The following COL17A1 variants were observed in gnomAD, a reference collection of about 807,000 sequenced individuals.
COL17A1 encodes the protein collagen type XVII alpha 1 chain.
In COL17A1, 181 loss-of-function variants were observed where a neutral mutation model predicts 218.4. The ratio of observed to expected loss-of-function variants is 0.83; its 90% CI spans 0.73 to 0.94. The LOEUF is 0.94. Among genes scored for constraint, COL17A1 ranks in the 40% least tolerant of loss-of-function variants. The probability of loss-of-function intolerance (pLI) is 0.00; values close to 1 mark genes in which losing one functional copy is unlikely to be tolerated. For missense variants in COL17A1, 1,924 were observed against 1,945.9 expected (o/e 0.99, Z 0.21); for synonymous variants, 721 against 731.0 (o/e 0.99, Z 0.22).
chr10:104,078,575 T>A lies in COL17A1; in HGVS notation c.64A>T (p.Thr22Ser), dbSNP rs201183562. 8.7e-6 allele frequency: 14 copies of A among 1,614,144 alleles called. No homozygotes were observed. Among genetic ancestry groups the A allele is most frequent in the Non-Finnish European group, 1.2e-5 (14 of 1,179,998 alleles). The part of the protein sequence containing the change: ...TEVTERIVTE[T>S]VTTRLTSLPP... ...AAGGATGTAAGTCTTGTGGTTACTG[T>A]TTCAGTGACAACTAGAAAAAGACAA... Residue 22 changes from threonine (T) to serine (S), a missense_variant, in exon 3 of 56, where the codon ACA becomes TCA. Physicochemically the swap from Thr to Ser is moderately conservative, Grantham distance 58. Transcript: ENST00000648076.
In COL17A1 at chr10:104,034,728, G is replaced by C. The variant is rs1564670155; in HGVS notation, c.3659C>G (p.Pro1220Arg). The change falls in exon 51 of 56, where the codon CCT (proline) becomes CGT (arginine). Residue 1220 changes from proline to arginine, a missense_variant. Transcript: ENST00000648076. ...LSFIPGPPGP[P>R]GPPGPRGPPG... ...GGGCCCTCGAGGCCCTGGGGGACCA[G>C]GAGGTCCTGGAGGGCCTGGGATGAA... 3 of 1,612,378 alleles carry C rather than the reference G, an allele frequency of 1.9e-6. No homozygotes were observed. The highest frequency in any genetic ancestry group is 2.5e-6 in the Non-Finnish European group (3 of 1,179,544).
chr10:104,034,882 C>T, intron 50 of COL17A1, 115 bp from the exon 51 acceptor site: 1 of 1,326,056 alleles, frequency 7.5e-7, no homozygotes, highest in Non-Finnish European at 1.0e-6. Context: ...GAGGCTGGGC[C>T]TCCCGGGTGA....
chr10:104,068,173 T>G (rs2086642631), intron 9 of COL17A1, among the ~76,000 whole-genome samples: 1 of 152,208 alleles, frequency 6.6e-6, no homozygotes, highest in Admixed American at 6.5e-5. Flanking sequence ...TCCCAGATTT[T>G]AAAATATGAA....
Position 104,032,194 on chromosome 10 carries a change from A to G in COL17A1, c.*41T>C, listed in dbSNP as rs375121106. On this transcript the variant is annotated 3_prime_UTR_variant, in exon 56 of 56. Transcript: ENST00000648076. Reference sequence around the variant, plus strand: ...GACCTTGGACCTAAGTGCCACATGCATTATGAGACCTGGTCCAGGAGCTGT... The same window carrying G: ...GACCTTGGACCTAAGTGCCACATGCGTTATGAGACCTGGTCCAGGAGCTGT... 4 of 1,567,884 alleles carry G rather than the reference A, an allele frequency of 2.6e-6. No individual in the cohort carries two copies. The African/African-American group carries it at 5.4e-5, about 21-fold the overall frequency.
Position 104,037,131 on chromosome 10 carries a change from T to G in COL17A1, c.3209-18A>C. 4 of 1,594,828 alleles carry G rather than the reference T, an allele frequency of 2.5e-6. No homozygotes were observed. Among genetic ancestry groups the G allele is most frequent in the Non-Finnish European group, 3.4e-6 (4 of 1,170,396 alleles). ...CCCCGAAGCTGTCGGGAAGAAAACC[T>G]CAGGTTACCTGCTTAGCAGGTACTG... On this transcript the variant is annotated intron_variant, in intron 46 of 55. Transcript: ENST00000648076.
intron 12 of COL17A1, 30 bp from the exon 13 acceptor site, chr10:104,061,503 G>C: frequency 6.2e-7 from 1 of 1,606,812 alleles, no homozygotes; most frequent in Non-Finnish European, 8.5e-7. Flanking sequence ...GTCAGCATGG[G>C]AGGGTGGTTC....
In COL17A1 at chr10:104,039,477, G is replaced by A. The variant is rs2134581649; in HGVS notation, c.2864C>T (p.Pro955Leu). The A allele has an allele frequency of 6.2e-7, 1 of 1,614,142 alleles. No homozygotes were observed. The highest frequency in any genetic ancestry group is 2.2e-5 in the East Asian group (1 of 44,874). Residue 955 changes from proline to leucine, a missense_variant, in exon 43 of 56, where the codon CCA becomes CTA. Physicochemically the swap from Pro to Leu is moderately conservative, Grantham distance 98. Coordinates refer to ENST00000648076, the MANE Select transcript of COL17A1 (RefSeq NM_000494.4). ...ACCTTTGGGTCCCTGGGGGCCAGGTGGGCCTGGTGGTCCCTGAAGGTTGAG... is the reference window on the plus strand; with the variant it reads ...ACCTTTGGGTCCCTGGGGGCCAGGTAGGCCTGGTGGTCCCTGAAGGTTGAG... ...FGLNLQGPPG[P>L]PGPQGPKGDK...
At chr10:104,081,659 G>A (rs978962201) in intron 1 of COL17A1, among the ~76,000 whole-genome samples, 5 of 152,008 alleles carry the variant, frequency 3.3e-5, no homozygotes, top group Non-Finnish European at 7.4e-5. Flanking sequence ...TTATTTTTTG[G>A]TTGTAGTTGG....
At chr10:104,059,554 T>G in intron 15 of COL17A1, 84 bp downstream of exon 15, 1 of 1,301,264 alleles carries the variant, frequency 7.7e-7, no homozygotes, top group Non-Finnish European at 1.1e-6. Context: ...GGACCACACT[T>G]TGAGTAGCAA....
chr10:104,060,344 A>C (rs2086571779), intron 13 of COL17A1, 64 bp from the exon 14 acceptor site: 7 of 1,600,880 alleles, frequency 4.4e-6, no homozygotes, highest in Non-Finnish European at 6.0e-6. Context: ...AGGGGAGAAA[A>C]GACAAGAAGA....
At chr10:104,068,861 G>A (rs2134642727) in intron 9 of COL17A1, among the ~76,000 whole-genome samples, 1 of 152,294 alleles carries the variant, frequency 6.6e-6, no homozygotes, top group East Asian at 1.9e-4. Context: ...CTAAAAAGGA[G>A]GAGGAAGAGC....
chr10:104,040,123 T>A, intron 40 of COL17A1, 124 bp from the exon 41 acceptor site: 2 of 1,193,224 alleles, frequency 1.7e-6, no homozygotes, highest in African/African-American at 1.5e-5. Flanking sequence ...GGGTTCCTTG[T>A]GCCTCTCCTC....
At position 104,057,008 on chromosome 10, in the gene COL17A1, G is replaced by A; in HGVS notation, c.1432C>T (p.Leu478Phe). ...LLGLLLTWLL[L>F]LGLLFGLIAL... Reference sequence around the variant, plus strand: ...ATGAGGCCGAAGAGCAGCCCCAGGAGTAGCAGCCAGGTGAGCAGCAGGCCC... The same window carrying A: ...ATGAGGCCGAAGAGCAGCCCCAGGAATAGCAGCCAGGTGAGCAGCAGGCCC... The change falls in exon 17 of 56, where the codon CTC becomes TTC. Residue 478 changes from leucine (L) to phenylalanine (F), a missense_variant. By Grantham distance (22) the Leu-to-Phe change is conservative. Transcript: ENST00000648076. 1 of 1,590,004 alleles carries A rather than the reference G, an allele frequency of 6.3e-7. No homozygotes were observed. The highest frequency in any genetic ancestry group is 1.1e-5 in the South Asian group (1 of 89,140).
At chr10:104,042,378 G>A (rs774378565) in intron 36 of COL17A1, 42 bp downstream of exon 36, 6 of 1,610,514 alleles carry the variant, frequency 3.7e-6, no homozygotes, top group East Asian at 4.5e-5. Context: ...AAGTCCTCCC[G>A]ACTGGGCCCA....
At chr10:104,057,228 C>G (rs2086539045) in intron 16 of COL17A1, 56 bp from the exon 17 acceptor site, 4 of 1,613,192 alleles carry the variant, frequency 2.5e-6, no homozygotes, top group Non-Finnish European at 3.4e-6. Flanking sequence ...CCTTTTCCCT[C>G]CAGATTCTCT....
At chr10:104,039,330 C>T (rs917314036) in intron 43 of COL17A1, 115 bp downstream of exon 43, 9 of 1,253,136 alleles carry the variant, frequency 7.2e-6, no homozygotes, top group Middle Eastern at 5.2e-4. Context: ...CCAGCCTCTT[C>T]TCTCTCCCAA....
chr10:104,046,623 G>A, intron 32 of COL17A1, 124 bp downstream of exon 32: 1 of 890,844 alleles, frequency 1.1e-6, no homozygotes, highest in Admixed American at 1.8e-5. Flanking sequence ...ATAGTGAAAG[G>A]GAGTGTGTGC....
chr10:104,043,643 C>G, intron 34 of COL17A1, 62 bp from the exon 35 acceptor site: 1 of 1,587,984 alleles, frequency 6.3e-7, no homozygotes, highest in Non-Finnish European at 8.6e-7. Flanking sequence ...GCGCTGGGAC[C>G]CAAGCCAGGT....
intron 1 of COL17A1, among the ~76,000 whole-genome samples, chr10:104,082,492 G>A (rs2086773834): frequency 1.3e-5 from 2 of 152,174 alleles, no homozygotes; most frequent in African/African-American, 2.4e-5. Context: ...AATGCGCCTG[G>A]CAGTCAGTGG....
Sources: gnomAD v4.1 joint callset for allele counts (sites outside exome capture counted in the v4.1 genomes callset) on GRCh38, gnomAD v4.1.1 for gene constraint, MANE v1.5 for transcripts, NCBI Gene and HGNC (gene_info 2026-07-23, HGNC 2026-07-21) for gene names.